Variants in CD40 observed in about 807,000 individuals in gnomAD.
CD40 encodes CD40 molecule, also known as tumor necrosis factor receptor superfamily member 5.
Under a neutral mutation model 38.5 loss-of-function variants are expected in CD40, and 19 were observed. The observed-to-expected ratio is 0.49, with a 90% CI of 0.34 to 0.72. The LOEUF (loss-of-function observed/expected upper bound fraction) is 0.72, where lower values mean the gene tolerates loss of function less well. Among genes scored for constraint, CD40 ranks in the 30% least tolerant of loss-of-function variants. CD40 has a pLI of 0.01. For missense variants in CD40, 256 were observed against 344.1 expected (o/e 0.74, Z 2.03); for synonymous variants, 130 against 128.7 (o/e 1.01, Z -0.07).
At position 46,122,799 on chromosome 20, in the gene CD40, G is replaced by T; in HGVS notation, c.403+43G>T. The T allele has an allele frequency of 6.2e-7, 1 of 1,612,476 alleles. No homozygotes were observed. Among genetic ancestry groups the T allele is most frequent in the Non-Finnish European group, 8.5e-7 (1 of 1,178,794 alleles). On this transcript the variant is annotated intron_variant, in intron 4 of 8. Transcript: ENST00000372285. The surrounding 1 kb of genome is among the most constrained non-coding windows in gnomAD (Gnocchi z 5.0). ...GAATCAGTTTTGGAGGGGGACAGAG[G>T]AGCTTAGGGCCCAAGGTGAGGGGCT...
At chr20:46,125,070 A>G (rs942440961) in intron 5 of CD40, among the ~76,000 whole-genome samples, 1 of 149,108 alleles carries the variant, frequency 6.7e-6, no homozygotes, top group Admixed American at 6.7e-5. Flanking sequence ...CCCGGCCACC[A>G]GTGGTATAGT....
chr20:46,124,536 C>A (rs1446662004), intron 5 of CD40, among the ~76,000 whole-genome samples: 1 of 142,578 alleles, frequency 7.0e-6, no homozygotes, highest in Non-Finnish European at 1.5e-5. Context: ...CAAAATTTCC[C>A]TCCTTTTACT....
In CD40 at chr20:46,129,415, G is replaced by C; in HGVS notation, c.*375G>C. On this transcript the variant is annotated 3_prime_UTR_variant, in exon 9 of 9. Coordinates refer to ENST00000372285, the MANE Select transcript of CD40 (RefSeq NM_001250.6). The stretch of plus-strand genomic sequence containing the variant: ...CTGCGCCCAGGAAGCCATATACACA[G>C]ATGCCCATTGCAGCATTGTTTGTGA... 3.3e-6 allele frequency: 1 copy of C among 303,186 alleles called. No individual in the cohort carries two copies. The highest frequency in any genetic ancestry group is 6.5e-6 in the Non-Finnish European group (1 of 153,586). The allele number at this position is 303,186 out of a possible 1,614,324, so 18.8% of individuals were successfully genotyped here.
chr20:46,128,704 C>T (rs576606431), intron 8 of CD40, 178 bp from the exon 9 acceptor site: 2 of 694,060 alleles, frequency 2.9e-6, no homozygotes, highest in South Asian at 3.5e-5. Flanking sequence ...ACTCTGGAAG[C>T]TCTTCGTCGC....
chr20:46,118,409 C>A lies in CD40; in HGVS notation c.51+15C>A. The stretch of plus-strand genomic sequence containing the variant: ...TGCTGACCGCTGTGAGTTGTTTTTG[C>A]CCCGACCAGACGGGAGTTGGGAGTG... On this transcript the variant is annotated intron_variant, in intron 1 of 8. Transcript: ENST00000372285. 1.2e-6 allele frequency: 2 copies of A among 1,613,476 alleles called. No homozygotes were observed. Among genetic ancestry groups the A allele is most frequent in the South Asian group, 2.2e-5 (2 of 91,064 alleles).
At chr20:46,126,146 G>A (rs2085430800) in intron 5 of CD40, among the ~76,000 whole-genome samples, 1 of 152,196 alleles carries the variant, frequency 6.6e-6, no homozygotes, top group Non-Finnish European at 1.5e-5. Context: ...GATGCTACAG[G>A]GATCTGGCGG....
chr20:46,122,770 C>G lies in CD40; in HGVS notation c.403+14C>G. 2.5e-6 allele frequency: 4 copies of G among 1,614,062 alleles called. No individual in the cohort carries two copies. Among genetic ancestry groups the G allele is most frequent in the Non-Finnish European group, 3.4e-6 (4 of 1,179,964 alleles). ...TCAAGCAGATTGGTAAGTGGCTCATCTGGGAATCAGTTTTGGAGGGGGACA... is the reference window on the plus strand; with the variant it reads ...TCAAGCAGATTGGTAAGTGGCTCATGTGGGAATCAGTTTTGGAGGGGGACA... On this transcript the variant is annotated intron_variant, in intron 4 of 8. Coordinates refer to ENST00000372285, the MANE Select transcript of CD40 (RefSeq NM_001250.6). This position sits in a 1 kb window ranked among gnomAD's most constrained non-coding sequence, Gnocchi z 5.0.
At chr20:46,119,791 T>A (rs1271702351) in intron 1 of CD40, among the ~76,000 whole-genome samples, 1 of 152,216 alleles carries the variant, frequency 6.6e-6, no homozygotes. Flanking sequence ...AGAACCTGGT[T>A]GTGAATCTAC....
intron 1 of CD40, among the ~76,000 whole-genome samples, chr20:46,119,199 A>G (rs1042589055): frequency 6.6e-6 from 1 of 152,102 alleles, no homozygotes; most frequent in African/African-American, 2.4e-5. Context: ...CTTTTTGTTT[A>G]AATGTATTTT....
intron 1 of CD40, among the ~76,000 whole-genome samples, chr20:46,120,946 T>C (rs2085305880): frequency 6.6e-6 from 1 of 152,138 alleles, no homozygotes; most frequent in African/African-American, 2.4e-5. Context: ...ACACCTGTAA[T>C]CCCAGCTACT....
chr20:46,126,280 T>C (rs2085434712), intron 5 of CD40, among the ~76,000 whole-genome samples: 1 of 147,416 alleles, frequency 6.8e-6, no homozygotes, highest in Non-Finnish European at 1.5e-5. Context: ...TAACCCTATC[T>C]TAAGCTGAAC....
At chr20:46,125,692 T>C (rs189007256) in intron 5 of CD40, among the ~76,000 whole-genome samples, 43 of 152,288 alleles carry the variant, frequency 2.8e-4, no homozygotes, top group African/African-American at 7.2e-4. Flanking sequence ...GGACCAGGTC[T>C]TCATCATCTC....
intron 6 of CD40, 141 bp downstream of exon 6, chr20:46,126,842 C>T (rs2085447420): frequency 1.4e-6 from 2 of 1,419,418 alleles, no homozygotes; most frequent in Non-Finnish European, 1.9e-6. Flanking sequence ...TGCCACTTAT[C>T]TTGGGAGTCT....
At chr20:46,119,611 C>T (rs1047941174) in intron 1 of CD40, among the ~76,000 whole-genome samples, 5 of 152,148 alleles carry the variant, frequency 3.3e-5, no homozygotes, top group African/African-American at 1.2e-4. Flanking sequence ...TGGGCTGTGA[C>T]AACAATGTCA....
intron 8 of CD40, 52 bp downstream of exon 8, chr20:46,128,410 G>T: frequency 3.1e-6 from 5 of 1,594,914 alleles, no homozygotes; most frequent in Non-Finnish European, 4.3e-6. Context: ...TGGGAAGATG[G>T]CCTCACGGTT....
intron 6 of CD40, chr20:46,127,137 T>C (rs2085453470): frequency 5.9e-6 from 1 of 169,594 alleles, no homozygotes; most frequent in African/African-American, 2.4e-5. Context: ...AGTATAATAA[T>C]AATAAAATTT....
In CD40 at chr20:46,128,304, C is replaced by CT. The variant is rs749590513; in HGVS notation, c.647-3dup. 0.092 allele frequency: 128,049 copies of CT among 1,395,180 alleles called. 529 individuals carry two copies. The highest frequency in any genetic ancestry group is 0.11 in the African/African-American group (5,893 of 55,370). The allele number at this position is 1,395,180 out of a possible 1,614,324, so 86.4% of individuals were successfully genotyped here. A position where few individuals can be genotyped will look rare whatever the true frequency, so the allele number is the denominator to read the frequency against. ...TATCTGGCCTCTCCAACTCCCCATCCTTTTTTTTTTTTTTTTTTTTTTTAG... is the reference window on the plus strand; with the variant it reads ...TATCTGGCCTCTCCAACTCCCCATCCTTTTTTTTTTTTTTTTTTTTTTTTAG... On this transcript the variant is annotated intron_variant, in intron 7 of 8. Transcript: ENST00000372285.
intron 8 of CD40, 50 bp from the exon 9 acceptor site, chr20:46,128,832 G>T: frequency 1.3e-6 from 2 of 1,599,684 alleles, no homozygotes; most frequent in South Asian, 2.2e-5. Flanking sequence ...GCTCCTCAGA[G>T]GCACAGCTGC....
chr20:46,118,409 C>T lies in CD40; in HGVS notation c.51+15C>T. ...TGCTGACCGCTGTGAGTTGTTTTTG[C>T]CCCGACCAGACGGGAGTTGGGAGTG... On this transcript the variant is annotated intron_variant, in intron 1 of 8. Transcript: ENST00000372285. 1 of 1,613,476 alleles carries T rather than the reference C, an allele frequency of 6.2e-7. No individual in the cohort carries two copies. Among genetic ancestry groups the T allele is most frequent in the Non-Finnish European group, 8.5e-7 (1 of 1,179,478 alleles).
Sources: allele counts gnomAD v4.1 joint callset (sites outside exome capture counted in the v4.1 genomes callset), GRCh38; gene constraint gnomAD v4.1.1; non-coding constraint Gnocchi (gnomAD v3.1); transcripts MANE v1.5; gene names NCBI Gene and HGNC (gene_info 2026-07-23, HGNC 2026-07-21).